Variants in MGAT5 observed in about 807,000 individuals in gnomAD.
The protein encoded by MGAT5 is alpha-1,6-mannosylglycoprotein 6-beta-N-acetylglucosaminyltransferase A.
A neutral mutation model predicts 94.3 loss-of-function variants in MGAT5; 30 were observed. The observed-to-expected ratio is 0.32, with a 90% CI of 0.24 to 0.43. The LOEUF is 0.43. Ranked by LOEUF, MGAT5 falls within the 20% of genes least tolerant of loss-of-function variation. The pLI is 1.00. For missense variants in MGAT5, 691 were observed against 905.5 expected (o/e 0.76, Z 3.04); for synonymous variants, 310 against 322.9 (o/e 0.96, Z 0.43).
chr2:134,151,463 A>G (rs12473927), intron 1 of MGAT5, among the ~76,000 whole-genome samples: 2 of 96,138 alleles, frequency 2.1e-5, no homozygotes, highest in South Asian at 4.0e-4. Flanking sequence ...CTCACGCCCT[A>G]TGGGAGCCGC....
intron 11 of MGAT5, among the ~76,000 whole-genome samples, chr2:134,407,334 C>A (rs768376161): frequency 1.3e-5 from 2 of 152,206 alleles, no homozygotes; most frequent in Non-Finnish European, 2.9e-5. Context: ...GAGCATACTT[C>A]AAGTCATTCC....
At chr2:134,387,328 A>T (rs1474635266) in intron 10 of MGAT5, among the ~76,000 whole-genome samples, 2,456 of 40,116 alleles carry the variant, frequency 0.061, 64 homozygotes, top group African/African-American at 0.079. Context: ...ATATATATAT[A>T]TATATTTTTT....
chr2:134,155,688 G>A (rs1429721843), intron 1 of MGAT5, among the ~76,000 whole-genome samples: 1 of 152,182 alleles, frequency 6.6e-6, no homozygotes, highest in African/African-American at 2.4e-5. Context: ...TGGCCCAGGT[G>A]ACATCTCCAG....
intron 1 of MGAT5, among the ~76,000 whole-genome samples, chr2:134,184,499 G>C (rs1688903296): frequency 6.6e-6 from 1 of 152,160 alleles, no homozygotes; most frequent in Non-Finnish European, 1.5e-5. Flanking sequence ...CCAGAAGCTA[G>C]AACTGATTCC....
rs77750639 is a variant in MGAT5 at position 134,123,788 on chromosome 2, G to A, written c.-143+3497G>A. The stretch of plus-strand genomic sequence containing the variant: ...GAAAAGGGAGGAAATAATTTTATAC[G>A]GGGGGATTGCTATCTGGGTGACAAT... On this transcript the variant is annotated intron_variant, in intron 1 of 16. Coordinates refer to the MGAT5 transcript ENST00000409645. Among the ~76,000 whole-genome samples, 1,473 of 152,186 alleles carry A rather than the reference G, an allele frequency of 9.7e-3. 26 individuals are homozygous for A. Among genetic ancestry groups the A allele is most frequent in the African/African-American group, 0.032 (1,314 of 41,512 alleles).
intron 1 of MGAT5, among the ~76,000 whole-genome samples, chr2:134,262,927 A>G (rs191902219): frequency 1.1e-4 from 16 of 152,348 alleles, no homozygotes; most frequent in East Asian, 5.8e-4. Flanking sequence ...CCACCACCCT[A>G]CTAAACTAGG....
In MGAT5 at chr2:134,177,144, CGT is replaced by C. The variant is rs141358502; in HGVS notation, c.-143+56870_-143+56871del. On this transcript the variant is annotated intron_variant, in intron 1 of 16. Transcript: ENST00000409645. ...AGGGACCTCCTGTAACAAATGAACCCGTGTGTGTGTGTGTGTGTATGTATCTC... is the reference window on the plus strand; with the variant it reads ...AGGGACCTCCTGTAACAAATGAACCCGTGTGTGTGTGTGTGTATGTATCTC... 5.0e-3 allele frequency among the ~76,000 whole-genome samples: 716 copies of C among 142,610 alleles called. 11 individuals carry two copies. Among genetic ancestry groups the C allele is most frequent in the African/African-American group, 0.019 (685 of 36,206 alleles). The allele number at this position is 142,610 out of a possible 152,430, so 93.6% of individuals were successfully genotyped here.
intron 1 of MGAT5, among the ~76,000 whole-genome samples, chr2:134,240,142 T>G (rs917604327): frequency 6.6e-6 from 1 of 152,168 alleles, no homozygotes; most frequent in Non-Finnish European, 1.5e-5. Flanking sequence ...AACCCAATGG[T>G]GTGTTTCACC....
At chr2:134,420,950 A>G (rs1017711344) in intron 12 of MGAT5, among the ~76,000 whole-genome samples, 3 of 152,220 alleles carry the variant, frequency 2.0e-5, no homozygotes. Flanking sequence ...TCTCCTCACA[A>G]TGAGTGTTTT....
intron 14 of MGAT5, among the ~76,000 whole-genome samples, chr2:134,431,617 C>G (rs534167563): frequency 6.6e-6 from 1 of 152,210 alleles, no homozygotes; most frequent in Non-Finnish European, 1.5e-5. Flanking sequence ...AAGCCTGCAG[C>G]TCCGAGGAGG....
chr2:134,218,874 A>T (rs1356740973), intron 1 of MGAT5, among the ~76,000 whole-genome samples: 1 of 152,074 alleles, frequency 6.6e-6, no homozygotes, highest in Non-Finnish European at 1.5e-5. Flanking sequence ...TGATTCTGTT[A>T]TACTTCACGT....
intron 10 of MGAT5, among the ~76,000 whole-genome samples, chr2:134,384,151 A>G (rs1681813037): frequency 6.6e-6 from 1 of 151,666 alleles, no homozygotes; most frequent in Non-Finnish European, 1.5e-5. Context: ...CATCAGTGGT[A>G]GAGTTGAGTA....
intron 5 of MGAT5, 30 bp from the exon 6 acceptor site, chr2:134,338,229 C>T: frequency 6.5e-7 from 1 of 1,543,290 alleles, no homozygotes; most frequent in South Asian, 1.2e-5. Context: ...TTTTTATCTT[C>T]TATTCATTTT....
chr2:134,397,340 G>GAAA (rs1196246020), intron 10 of MGAT5, among the ~76,000 whole-genome samples: 1 of 152,144 alleles, frequency 6.6e-6, no homozygotes, highest in Non-Finnish European at 1.5e-5. Flanking sequence ...AAGGATGAAG[G>GAAA]AAAAGGGAAG....
At chr2:134,292,174 G>T (rs1338733725) in intron 2 of MGAT5, among the ~76,000 whole-genome samples, 1 of 152,202 alleles carries the variant, frequency 6.6e-6, no homozygotes, top group East Asian at 1.9e-4. Context: ...TGTCATAGCA[G>T]TAGTGTGTGG....
At chr2:134,179,406 A>G (rs1321440016) in intron 1 of MGAT5, among the ~76,000 whole-genome samples, 2 of 152,216 alleles carry the variant, frequency 1.3e-5, no homozygotes, top group East Asian at 3.9e-4. Context: ...ACACACATCA[A>G]CTATGCATTG....
chr2:134,371,900 T>C (rs1680826115), intron 10 of MGAT5, among the ~76,000 whole-genome samples: 1 of 151,682 alleles, frequency 6.6e-6, no homozygotes, highest in Non-Finnish European at 1.5e-5. Flanking sequence ...AAAGCTGAAG[T>C]TCATTCTTAG....
chr2:134,146,941 C>T (rs1206160863), intron 1 of MGAT5, among the ~76,000 whole-genome samples: 1 of 152,188 alleles, frequency 6.6e-6, no homozygotes, highest in Non-Finnish European at 1.5e-5. Flanking sequence ...CTTTGAGTTT[C>T]TTAGCTTAGT....
At chr2:134,245,638 A>G (rs1376711886) in intron 1 of MGAT5, among the ~76,000 whole-genome samples, 2 of 152,108 alleles carry the variant, frequency 1.3e-5, no homozygotes, top group Admixed American at 6.5e-5. Context: ...CACCAACTGT[A>G]TTTAGGTGAA....
Sources: allele counts gnomAD v4.1 joint callset (sites outside exome capture counted in the v4.1 genomes callset), GRCh38; gene constraint gnomAD v4.1.1; transcripts MANE v1.5; gene names NCBI Gene and HGNC (gene_info 2026-07-23, HGNC 2026-07-21).